Variants in HIPK1 observed in about 807,000 individuals in gnomAD.
HIPK1 encodes homeodomain-interacting protein kinase 1.
A neutral mutation model predicts 117.1 loss-of-function variants in HIPK1; 28 were observed. That is an observed-to-expected ratio of 0.24 (90% CI 0.18 to 0.33). The LOEUF is 0.33. HIPK1 is among the 10% of genes least tolerant of loss of function. HIPK1 has a pLI of 1.00. For synonymous variants in HIPK1, 605 were observed against 562.5 expected, an observed-to-expected ratio of 1.08 and a Z score of -1.07; for missense variants, 1,122 against 1,475.1, an observed-to-expected ratio of 0.76 and a Z score of 3.92.
intron 15 of HIPK1, among the ~76,000 whole-genome samples, chr1:113,972,286 C>T (rs942974651): frequency 6.6e-6 from 1 of 152,130 alleles, no homozygotes; most frequent in African/African-American, 2.4e-5. Flanking sequence ...CTCTTTATCC[C>T]CCAGGCCATA....
At chr1:113,949,348 G>A (rs1671196058) in intron 2 of HIPK1, among the ~76,000 whole-genome samples, 1 of 152,100 alleles carries the variant, frequency 6.6e-6, no homozygotes, top group African/African-American at 2.4e-5. Context: ...TTTTGGCATT[G>A]TCATGAACTT....
At chr1:113,951,955 T>C (rs1233422278) in intron 2 of HIPK1, among the ~76,000 whole-genome samples, 3 of 150,328 alleles carry the variant, frequency 2.0e-5, no homozygotes, top group Non-Finnish European at 4.4e-5. Context: ...CTTTTTTTTT[T>C]TTTTTTTGGA....
At chr1:113,954,609 C>G in intron 3 of HIPK1, 42 bp from the exon 4 acceptor site, 1 of 1,605,466 alleles carries the variant, frequency 6.2e-7, no homozygotes, top group Non-Finnish European at 8.5e-7. Context: ...AATAATTTCC[C>G]TTTTCACTCC....
At chr1:113,955,847 C>T (rs1671681434) in intron 5 of HIPK1, among the ~76,000 whole-genome samples, 198 bp downstream of exon 5, 1 of 152,108 alleles carries the variant, frequency 6.6e-6, no homozygotes, top group South Asian at 2.1e-4. Flanking sequence ...ACATATTTCT[C>T]TCTTGCTTTA....
At chr1:113,930,944 A>G (rs1317130531) in intron 1 of HIPK1, 1 of 152,244 alleles carries the variant, frequency 6.6e-6, no homozygotes, top group Non-Finnish European at 1.5e-5. Flanking sequence ...CTTGTCTATT[A>G]GTGACACTTT....
In HIPK1 at chr1:113,941,474, C is replaced by T. The variant is rs1670630536; in HGVS notation, c.1076+15C>T. 6.3e-7 allele frequency: 1 copy of T among 1,590,402 alleles called. No homozygotes were observed. Among genetic ancestry groups the T allele is most frequent in the African/African-American group, 1.3e-5 (1 of 74,482 alleles). On this transcript the variant is annotated intron_variant, in intron 2 of 15. Coordinates refer to ENST00000426820, the MANE Select transcript of HIPK1 (RefSeq NM_198268.3). This position sits in a 1 kb window ranked among gnomAD's most constrained non-coding sequence, Gnocchi z 4.9. The stretch of plus-strand genomic sequence containing the variant: ...CGTTACTACAGGCAAGTGGCAAATG[C>T]TGAAAATCGTATCTTAGGCTAGAGT...
At position 113,938,233 on chromosome 1, in the gene HIPK1, G is replaced by A. The variant is rs533120418; in HGVS notation, c.-2-2149G>A. 2.0e-5 allele frequency among the ~76,000 whole-genome samples: 3 copies of A among 150,612 alleles called. No homozygotes were observed. In the South Asian group the frequency reaches 6.3e-4, roughly 32 times the overall value. ...GATCCTTCCACCTTGGGTTCCTAAA[G>A]TGCCAGGATTACAGGCGTGAGCCAC... is the stretch of plus-strand genomic sequence containing the variant. On this transcript the variant is annotated intron_variant, in intron 1 of 15. Coordinates refer to ENST00000426820, the MANE Select transcript of HIPK1 (RefSeq NM_198268.3).
intron 10 of HIPK1, 31 bp from the exon 11 acceptor site, chr1:113,966,099 C>G: frequency 6.3e-7 from 1 of 1,599,038 alleles, no homozygotes; most frequent in Non-Finnish European, 8.5e-7. Context: ...TGAATCAAGT[C>G]TGGATGTTTT....
intron 1 of HIPK1, among the ~76,000 whole-genome samples, chr1:113,935,310 T>C (rs1040893086): frequency 6.6e-6 from 1 of 152,320 alleles, no homozygotes; most frequent in East Asian, 1.9e-4. Context: ...TTGTTTAGGA[T>C]AGTGGCCCTC....
At chr1:113,931,834 T>A (rs1167853869) in intron 1 of HIPK1, among the ~76,000 whole-genome samples, 2 of 152,238 alleles carry the variant, frequency 1.3e-5, no homozygotes, top group Non-Finnish European at 2.9e-5. Context: ...ACTGGTCTTG[T>A]AATTTGAAGT....
chr1:113,929,635 C>T lies in HIPK1; in HGVS notation c.-3+103C>T, dbSNP rs1231985731. ...TTCCGTTCGTCGGGTCTGGCGACAA[C>T]GGCGGCTGCGGAGCAAGGGGCCCGG... On this transcript the variant is annotated intron_variant, in intron 1 of 15. Coordinates refer to ENST00000426820, the MANE Select transcript of HIPK1 (RefSeq NM_198268.3). 3.8e-6 allele frequency: 4 copies of T among 1,057,444 alleles called. No individual in the cohort carries two copies. In the East Asian group the frequency reaches 2.0e-4, roughly 54 times the overall value. The allele number at this position is 1,057,444 out of a possible 1,614,324, so 65.5% of individuals were successfully genotyped here. A position where few individuals can be genotyped will look rare whatever the true frequency, so the allele number is the denominator to read the frequency against.
chr1:113,974,959 T>A lies in HIPK1; in HGVS notation c.*1447T>A, dbSNP rs1558154111. 1 of 152,784 alleles carries A rather than the reference T, an allele frequency of 6.5e-6. No individual in the cohort carries two copies. Among genetic ancestry groups the A allele is most frequent in the Admixed American group, 6.5e-5 (1 of 15,284 alleles). The allele number at this position is 152,784 out of a possible 1,614,324, so 9.5% of individuals were successfully genotyped here. On this transcript the variant is annotated 3_prime_UTR_variant, in exon 16 of 16. Coordinates refer to ENST00000426820, the MANE Select transcript of HIPK1 (RefSeq NM_198268.3). ...TAAACCAAAATGAACTGATACTTGT[T>A]GGAATGTATGTGAACTAATTGCAAT...
At chr1:113,949,401 C>G (rs1408243619) in intron 2 of HIPK1, among the ~76,000 whole-genome samples, 3 of 152,006 alleles carry the variant, frequency 2.0e-5, no homozygotes, top group African/African-American at 7.2e-5. Flanking sequence ...AAATTTTGTT[C>G]CTTTTCAATT....
At chr1:113,948,543 G>A (rs556841835) in intron 2 of HIPK1, among the ~76,000 whole-genome samples, 5 of 151,160 alleles carry the variant, frequency 3.3e-5, no homozygotes, top group African/African-American at 7.3e-5. Context: ...GTGAACCGCC[G>A]TTTCTGGCCG....
At position 113,962,387 on chromosome 1, in the gene HIPK1, C is replaced by T; in HGVS notation, c.2052C>T (p.Pro684=). 2 of 1,613,930 alleles carry T rather than the reference C, an allele frequency of 1.2e-6. No homozygotes were observed. Among genetic ancestry groups the T allele is most frequent in the Non-Finnish European group, 1.7e-6 (2 of 1,179,874 alleles). The change falls in exon 9 of 16, where the codon CCC becomes CCT. Residue 684 remains proline (P), a synonymous_variant. Coordinates refer to ENST00000426820, the MANE Select transcript of HIPK1 (RefSeq NM_198268.3). ...TGGATAATGCTGTACCGATTGTACC[C>T]CAGGCACCAGCTGCTCAGCCACTAC... ...VRMDNAVPIV[P]QAPAAQPLQI...
intron 2 of HIPK1, among the ~76,000 whole-genome samples, chr1:113,942,643 T>C (rs2101186890): frequency 6.6e-6 from 1 of 152,312 alleles, no homozygotes; most frequent in East Asian, 1.9e-4. Context: ...CCTTATACTT[T>C]AATGATATAT....
At chr1:113,952,645 T>C in intron 2 of HIPK1, 121 bp from the exon 3 acceptor site, 2 of 720,158 alleles carry the variant, frequency 2.8e-6, no homozygotes, top group Non-Finnish European at 2.0e-6. Flanking sequence ...CCAAAGATTT[T>C]TTTTCCATTT....
intron 1 of HIPK1, chr1:113,929,915 C>G (rs1469665294): frequency 5.1e-6 from 5 of 985,860 alleles, no homozygotes; most frequent in Non-Finnish European, 6.0e-6. Flanking sequence ...CCCCAGCTCG[C>G]GGCTGAGAAC....
At chr1:113,956,916 C>T in intron 6 of HIPK1, 105 bp downstream of exon 6, 1 of 1,130,888 alleles carries the variant, frequency 8.8e-7, no homozygotes, top group Non-Finnish European at 1.3e-6. Flanking sequence ...GCTTATAAAT[C>T]TGGCTCAGCA....
Sources: allele counts gnomAD v4.1 joint callset (sites outside exome capture counted in the v4.1 genomes callset), GRCh38; gene constraint gnomAD v4.1.1; non-coding constraint Gnocchi (gnomAD v3.1); transcripts MANE v1.5; gene names NCBI Gene and HGNC (gene_info 2026-07-23, HGNC 2026-07-21).